NRG1: variants seen among roughly 807,000 people sequenced by gnomAD.
The protein encoded by NRG1 is neuregulin 1.
Under a neutral mutation model 63.8 loss-of-function variants are expected in NRG1, and 18 were observed. That is an observed-to-expected ratio of 0.28 (90% confidence interval 0.19 to 0.42). NRG1 has a LOEUF of 0.42. Among genes scored for constraint, NRG1 ranks in the 10% least tolerant of loss-of-function variants. The pLI is 1.00. For synonymous variants in NRG1, 302 were observed against 301.3 expected (o/e 1.00, Z -0.02); for missense variants, 762 against 814.7 (o/e 0.94, Z 0.79).
intron 1 of NRG1, among the ~76,000 whole-genome samples, chr8:31,647,606 G>T (rs769204728): frequency 7.9e-5 from 12 of 152,204 alleles, no homozygotes; most frequent in Non-Finnish European, 1.8e-4. Flanking sequence ...GGTTCTGGCA[G>T]TTGGGGCCCC....
At chr8:32,297,336 TC>T (rs1380073805) in intron 1 of NRG1, among the ~76,000 whole-genome samples, 1 of 152,144 alleles carries the variant, frequency 6.6e-6, no homozygotes, top group Non-Finnish European at 1.5e-5. Context: ...AATAGAATTT[TC>T]CTTTTGGCAT....
chr8:32,258,861 C>A (rs541482691), intron 1 of NRG1, among the ~76,000 whole-genome samples: 9 of 152,244 alleles, frequency 5.9e-5, no homozygotes, highest in African/African-American at 1.7e-4. Flanking sequence ...AGTTAAAAAT[C>A]AAACATGGAC....
At chr8:32,494,119 T>G (rs1826919672) in intron 1 of NRG1, among the ~76,000 whole-genome samples, 1 of 152,324 alleles carries the variant, frequency 6.6e-6, no homozygotes, top group South Asian at 2.1e-4. Flanking sequence ...TCAATTAAAC[T>G]GTACTGCAAG....
At chr8:32,205,935 CAA>C (rs5890627) in intron 1 of NRG1, among the ~76,000 whole-genome samples, 63,076 of 131,668 alleles carry the variant, frequency 0.48, 14,798 homozygotes, top group Admixed American at 0.57. Flanking sequence ...CATCTCTCTA[CAA>C]AAAAAAAAAA....
At chr8:31,807,058 T>C (rs1011740093) in intron 1 of NRG1, among the ~76,000 whole-genome samples, 2 of 152,244 alleles carry the variant, frequency 1.3e-5, no homozygotes, top group African/African-American at 4.8e-5. Flanking sequence ...CAAATTCACT[T>C]GTTATCACAA....
chr8:31,878,960 A>G (rs1830135584), intron 1 of NRG1, among the ~76,000 whole-genome samples: 1 of 152,124 alleles, frequency 6.6e-6, no homozygotes, highest in Non-Finnish European at 1.5e-5. Context: ...AGATCGCGCT[A>G]CTGCACTCCA....
At chr8:32,548,629 C>A (rs1014374388) in exon 1 of NRG1, 2 of 1,444,610 alleles carry the variant, frequency 1.4e-6, no homozygotes, top group African/African-American at 1.5e-5. Context: ...TCGCTCTCCC[C>A]CTCGAGGGAC....
chr8:32,768,846 A>G (rs1435955470), downstream of NRG1, among the ~76,000 whole-genome samples: 1 of 152,146 alleles, frequency 6.6e-6, no homozygotes, highest in Non-Finnish European at 1.5e-5. Flanking sequence ...GAGACTTCCC[A>G]CCAATGTCCA....
At chr8:31,917,419 C>T (rs1448176886) in intron 1 of NRG1, among the ~76,000 whole-genome samples, 1 of 150,432 alleles carries the variant, frequency 6.6e-6, no homozygotes, top group African/African-American at 2.5e-5. Context: ...CAGCTTTCTC[C>T]ATATGGCTAG....
At chr8:31,727,100 C>T (rs1585963217) in intron 1 of NRG1, among the ~76,000 whole-genome samples, 2 of 152,008 alleles carry the variant, frequency 1.3e-5, no homozygotes, top group African/African-American at 2.4e-5. Flanking sequence ...TAAACATGTA[C>T]GGAGTGCCTA....
intron 1 of NRG1, among the ~76,000 whole-genome samples, chr8:32,149,264 A>G (rs1052227236): frequency 1.3e-5 from 2 of 152,236 alleles, no homozygotes; most frequent in African/African-American, 2.4e-5. Flanking sequence ...ACCTGTCTCA[A>G]AATTATTTTA....
At chr8:32,066,452 C>T (rs1824832274) in intron 1 of NRG1, among the ~76,000 whole-genome samples, 1 of 152,088 alleles carries the variant, frequency 6.6e-6, no homozygotes, top group South Asian at 2.1e-4. Flanking sequence ...GAATCCTTTC[C>T]CCATTTTCTT....
At chr8:31,767,820 C>A (rs1376224808) in intron 1 of NRG1, among the ~76,000 whole-genome samples, 2 of 144,258 alleles carry the variant, frequency 1.4e-5, no homozygotes, top group South Asian at 2.2e-4. Context: ...ACACTCCAGC[C>A]TGGGTGACAA....
At chr8:32,298,801 G>T (rs1405690170) in intron 1 of NRG1, among the ~76,000 whole-genome samples, 1 of 151,260 alleles carries the variant, frequency 6.6e-6, no homozygotes, top group Non-Finnish European at 1.5e-5. Flanking sequence ...GGCCAAGGCG[G>T]GCGGATCATG....
chr8:31,931,189 C>T (rs530542552), intron 1 of NRG1, among the ~76,000 whole-genome samples: 11 of 152,054 alleles, frequency 7.2e-5, no homozygotes, highest in South Asian at 2.1e-4. Flanking sequence ...TTGAGTACAC[C>T]GACCTCTCAC....
intron 1 of NRG1, among the ~76,000 whole-genome samples, chr8:32,138,189 G>A (rs1031721616): frequency 6.6e-5 from 10 of 151,972 alleles, no homozygotes; most frequent in South Asian, 2.1e-4. Flanking sequence ...GCTACACAGC[G>A]TCAGTGAGGA....
intron 1 of NRG1, among the ~76,000 whole-genome samples, chr8:31,851,978 T>G (rs1294565670): frequency 2.9e-5 from 4 of 138,546 alleles, no homozygotes; most frequent in African/African-American, 1.1e-4. Flanking sequence ...ATGGTGTATA[T>G]GTGCCACATT....
intron 1 of NRG1, among the ~76,000 whole-genome samples, chr8:31,981,835 A>C (rs189600641): frequency 1.3e-5 from 2 of 152,146 alleles, no homozygotes; most frequent in East Asian, 3.9e-4. Flanking sequence ...ACAAAAAAAA[A>C]GGAATATGGT....
At chr8:31,675,109 G>A (rs896637941) in intron 1 of NRG1, among the ~76,000 whole-genome samples, 14 of 152,282 alleles carry the variant, frequency 9.2e-5, no homozygotes, top group Admixed American at 2.0e-4. Context: ...TTGGGAGGCC[G>A]AGGTGGATGG....
Sources: gnomAD v4.1 joint callset for allele counts (sites outside exome capture counted in the v4.1 genomes callset) on GRCh38, gnomAD v4.1.1 for gene constraint, MANE v1.5 for transcripts, NCBI Gene and HGNC (gene_info 2026-07-23, HGNC 2026-07-21) for gene names.